Variants in CCDC51 observed in about 807,000 individuals in gnomAD.
The protein encoded by CCDC51 is mitochondrial potassium channel.
In CCDC51, 25 loss-of-function variants were observed where a neutral mutation model predicts 24.8. The ratio of observed to expected loss-of-function variants is 1.01; its 90% CI spans 0.73 to 1.41. CCDC51 has a LOEUF of 1.41. Ranked by LOEUF, CCDC51 falls within the 40% of genes most tolerant of loss-of-function variation. CCDC51 has a pLI of 0.00. For synonymous variants in CCDC51, 190 were observed against 204.3 expected (o/e 0.93, Z 0.60); for missense variants, 466 against 519.1 (o/e 0.90, Z 0.99).
Position 48,432,967 on chromosome 3 carries a change from C to T in CCDC51, c.677G>A (p.Arg226Gln), listed in dbSNP as rs778744704. 5 of 1,614,158 alleles carry T rather than the reference C, an allele frequency of 3.1e-6. No homozygotes were observed. The highest frequency in any genetic ancestry group is 1.7e-5 in the Admixed American group (1 of 60,024). Reference sequence around the variant, plus strand: ...GAGTAAAGCCTTCAGCTCCTGTAGTCGCACACGGTTCACATAGGTGGAGCC... The same window carrying T: ...GAGTAAAGCCTTCAGCTCCTGTAGTTGCACACGGTTCACATAGGTGGAGCC... ...VAGSTYVNRV[R>Q]LQELKALLLE... Residue 226 changes from arginine to glutamine, a missense_variant, in exon 4 of 4, where the codon CGA (arginine) becomes CAA (glutamine). Physicochemically the swap from Arg to Gln is conservative, Grantham distance 43 (BLOSUM62 1). Transcript: ENST00000395694.
At chr3:48,434,358 A>T (rs540188716) in intron 2 of CCDC51, among the ~76,000 whole-genome samples, 1 of 152,276 alleles carries the variant, frequency 6.6e-6, no homozygotes, top group East Asian at 1.9e-4. Context: ...ACACTACTAC[A>T]TGCCTAAGCA....
At position 48,433,254 on chromosome 3, in the gene CCDC51, G is replaced by A; in HGVS notation, c.478-88C>T. 7.8e-7 allele frequency: 1 copy of A among 1,281,278 alleles called. No homozygotes were observed. The highest frequency in any genetic ancestry group is 1.4e-5 in the South Asian group (1 of 73,734). The allele number at this position is 1,281,278 out of a possible 1,614,324, so 79.4% of individuals were successfully genotyped here. Reference sequence around the variant, plus strand: ...ACCAGCAGATGGCTCACTACCTTGTGCCTGGCAGAGTACATGTTCCATAGA... The same window carrying A: ...ACCAGCAGATGGCTCACTACCTTGTACCTGGCAGAGTACATGTTCCATAGA... On this transcript the variant is annotated intron_variant, in intron 3 of 3. Transcript: ENST00000395694. This position sits in a 1 kb window ranked among gnomAD's most constrained non-coding sequence, Gnocchi z 4.4.
At position 48,433,698 on chromosome 3, in the gene CCDC51, G is replaced by A. The variant is rs772318118; in HGVS notation, c.477+9C>T. The A allele has an allele frequency of 2.5e-6, 4 of 1,611,462 alleles. No individual in the cohort carries two copies. In the African/African-American group the frequency reaches 5.3e-5, roughly 22 times the overall value. On this transcript the variant is annotated intron_variant, in intron 3 of 3. Transcript: ENST00000395694. This position sits in a 1 kb window ranked among gnomAD's most constrained non-coding sequence, Gnocchi z 4.4. The stretch of plus-strand genomic sequence containing the variant: ...CAGGTGCGAAAGGGCTGCCTCCTGA[G>A]GTGCCTACCTGCAGCATCCTGTGCT...
intron 1 of CCDC51, among the ~76,000 whole-genome samples, chr3:48,436,660 G>C (rs1340789988): frequency 6.6e-6 from 1 of 152,212 alleles, no homozygotes; most frequent in African/African-American, 2.4e-5. Flanking sequence ...TCCTTCATCA[G>C]ACAAAGCATG....
At chr3:48,440,830 C>T (rs1224989357), upstream of CCDC51, 6 of 605,740 alleles carry the variant, frequency 9.9e-6, no homozygotes, top group East Asian at 5.6e-5. Flanking sequence ...TCCTGCCTCC[C>T]AGGCAGTCTG....
At position 48,433,908 on chromosome 3, in the gene CCDC51, C is replaced by T. The variant is rs1376252990; in HGVS notation, c.313-37G>A. On this transcript the variant is annotated intron_variant, in intron 2 of 3. Transcript: ENST00000395694. The surrounding 1 kb of genome is among the most constrained non-coding windows in gnomAD (Gnocchi z 4.4). ...AAACCGGAGGCCATCTGCACCTTCT[C>T]TCCACACCCACACAGGCTCAGCTGC... The T allele has an allele frequency of 1.9e-6, 3 of 1,598,872 alleles. No individual in the cohort carries two copies. Among genetic ancestry groups the T allele is most frequent in the Non-Finnish European group, 8.5e-7 (1 of 1,171,342 alleles).
Position 48,434,951 on chromosome 3 carries a change from G to A in CCDC51, c.178C>T (p.Leu60Phe). 6.2e-7 allele frequency: 1 copy of A among 1,614,258 alleles called. No homozygotes were observed. Among genetic ancestry groups the A allele is most frequent in the Admixed American group, 1.7e-5 (1 of 60,036 alleles). ...CCCAGGGCTCTTCCCAGTGCTGGGA[G>A]GCGGTGGTGCAGCCCCAGGGCCACC... ...EEVALGLHHR[L>F]PALGRALGHS... Residue 60 changes from leucine (L) to phenylalanine (F), a missense_variant, in exon 2 of 4, where the codon CTC (leucine) becomes TTC (phenylalanine). By Grantham distance (22) the Leu-to-Phe change is conservative (BLOSUM62 0). Transcript: ENST00000395694.
intron 1 of CCDC51, among the ~76,000 whole-genome samples, chr3:48,436,097 C>A (rs1370586191): frequency 1.3e-5 from 2 of 152,110 alleles, no homozygotes; most frequent in African/African-American, 4.8e-5. Flanking sequence ...GCCAGGTGAC[C>A]CATTTTCCCA....
upstream of CCDC51, chr3:48,444,142 G>T: frequency 2.9e-6 from 1 of 341,368 alleles, no homozygotes; most frequent in Non-Finnish European, 5.3e-6. Context: ...GCCAGAGTCT[G>T]TTCTTTGGTC....
rs1407321330 is a variant in CCDC51, at chr3:48,435,166, C to T, written c.-8-30G>A. The T allele has an allele frequency of 6.6e-7, 1 of 1,519,552 alleles. No homozygotes were observed. 94.1% of individuals were successfully genotyped at this position (1,519,552 alleles called of 1,614,324 possible). ...GAGGGGGACGCCAGACAGGTCAGCTCACAGCTGAGAAAGGCTGGACATAAG... is the reference window on the plus strand; with the variant it reads ...GAGGGGGACGCCAGACAGGTCAGCTTACAGCTGAGAAAGGCTGGACATAAG... On this transcript the variant is annotated intron_variant, in intron 1 of 3. Transcript: ENST00000395694. The surrounding 1 kb of genome is among the most constrained non-coding windows in gnomAD (Gnocchi z 4.2).
intron 1 of CCDC51, among the ~76,000 whole-genome samples, chr3:48,436,338 T>A (rs1158485081): frequency 2.0e-5 from 3 of 152,152 alleles, no homozygotes; most frequent in African/African-American, 7.2e-5. Context: ...CACCCTAGCC[T>A]CCTCTCCATC....
Position 48,433,896 on chromosome 3 carries a change from T to C in CCDC51, c.313-25A>G. 2 of 1,605,516 alleles carry C rather than the reference T, an allele frequency of 1.2e-6. No individual in the cohort carries two copies. The highest frequency in any genetic ancestry group is 1.7e-6 in the Non-Finnish European group (2 of 1,175,208). On this transcript the variant is annotated intron_variant, in intron 2 of 3. Transcript: ENST00000395694. This position sits in a 1 kb window ranked among gnomAD's most constrained non-coding sequence, Gnocchi z 4.4. ...CCTGCAAAGAGAAAACCGGAGGCCATCTGCACCTTCTCTCCACACCCACAC... is the reference window on the plus strand; with the variant it reads ...CCTGCAAAGAGAAAACCGGAGGCCACCTGCACCTTCTCTCCACACCCACAC...
chr3:48,443,747 C>T, upstream of CCDC51: 1 of 867,804 alleles, frequency 1.2e-6, no homozygotes, highest in East Asian at 3.0e-5. Context: ...AGTGAATGCC[C>T]AATACAAAAG....
upstream of CCDC51, chr3:48,440,694 C>T (rs561810707): frequency 3.5e-6 from 5 of 1,441,938 alleles, no homozygotes; most frequent in African/African-American, 1.4e-5. Context: ...GATGAGGGCG[C>T]GGGCATGTCT....
chr3:48,437,629 G>A lies in CCDC51; in HGVS notation c.-9+2359C>T, dbSNP rs13076076. Among the ~76,000 whole-genome samples, 65,611 of 151,774 alleles carry A rather than the reference G, an allele frequency of 0.43. 14,265 individuals are homozygous for A. The highest frequency in any genetic ancestry group is 0.46 in the Non-Finnish European group (31,147 of 67,934). On this transcript the variant is annotated intron_variant, in intron 1 of 3. Coordinates refer to ENST00000395694, the MANE Select transcript of CCDC51 (RefSeq NM_001256964.2). This position sits in a 1 kb window ranked among gnomAD's most constrained non-coding sequence, Gnocchi z 4.2. Reference sequence around the variant, plus strand: ...CCTGCCCCTTCAGATCCATTCTCCCGCTCTATGTAGATGGCTGTCTCCTAC... The same window carrying A: ...CCTGCCCCTTCAGATCCATTCTCCCACTCTATGTAGATGGCTGTCTCCTAC...
In CCDC51 at chr3:48,432,982, T is replaced by C. The variant is rs766834703; in HGVS notation, c.662A>G (p.Tyr221Cys). 1.2e-6 allele frequency: 2 copies of C among 1,614,166 alleles called. No homozygotes were observed. Among genetic ancestry groups the C allele is most frequent in the Admixed American group, 3.3e-5 (2 of 60,024 alleles). The change falls in exon 4 of 4, where the codon TAT becomes TGT. Residue 221 changes from tyrosine (Y) to cysteine (C), a missense_variant. Tyr to Cys is a radical substitution (Grantham distance 194). Transcript: ENST00000395694. ...GALIGVAGST[Y>C]VNRVRLQELK... ...CTCCTGTAGTCGCACACGGTTCACA[T>C]AGGTGGAGCCAGCCACACCAATCAG...
chr3:48,440,276 G>C (rs561847670), upstream of CCDC51: 25 of 1,597,834 alleles, frequency 1.6e-5, no homozygotes, highest in East Asian at 5.4e-4. Context: ...GGCAGGGTCT[G>C]GGGAAGCGGC....
upstream of CCDC51, chr3:48,440,173 G>A (rs1360657265): frequency 6.8e-7 from 1 of 1,472,230 alleles, no homozygotes; most frequent in Admixed American, 2.4e-5. Flanking sequence ...CGCCGCATCC[G>A]GTAGCGAGAG....
At chr3:48,444,252 G>A (rs116149526), upstream of CCDC51, 102 of 168,948 alleles carry the variant, frequency 6.0e-4, no homozygotes, top group Admixed American at 1.0e-3. Context: ...TACCTTACAT[G>A]AGTTTAGTGG....
Sources: allele counts gnomAD v4.1 joint callset (sites outside exome capture counted in the v4.1 genomes callset), GRCh38; gene constraint gnomAD v4.1.1; non-coding constraint Gnocchi (gnomAD v3.1); transcripts MANE v1.5; gene names NCBI Gene and HGNC (gene_info 2026-07-23, HGNC 2026-07-21).